Variants in GRB10 observed in about 807,000 individuals in gnomAD.
GRB10 encodes the protein growth factor receptor bound protein 10.
GRB10 carries 20 observed loss-of-function variants against 80.9 expected under a neutral mutation model. The ratio of observed to expected loss-of-function variants is 0.25; its 90% CI spans 0.17 to 0.36. The LOEUF is 0.36. GRB10 is among the 10% of genes least tolerant of loss of function. The probability of loss-of-function intolerance (pLI) is 1.00; values close to 1 mark genes in which losing one functional copy is unlikely to be tolerated. For synonymous variants in GRB10, 291 were observed against 291.5 expected (o/e 1.00, Z 0.02); for missense variants, 548 against 747.7 (o/e 0.73, Z 3.12).
intron 5 of GRB10, among the ~76,000 whole-genome samples, chr7:50,676,885 G>T (rs893508220): frequency 5.9e-5 from 9 of 152,162 alleles, no homozygotes; most frequent in African/African-American, 2.2e-4. Flanking sequence ...ACAGATAGAA[G>T]GGAGGGGTGA....
intron 7 of GRB10, among the ~76,000 whole-genome samples, chr7:50,663,230 C>T (rs1160997669): frequency 1.3e-5 from 2 of 152,098 alleles, no homozygotes; most frequent in African/African-American, 4.8e-5. Flanking sequence ...CAGGCAGCCC[C>T]CTCCCTGGGG....
At chr7:50,642,252 C>A (rs1331312079) in intron 7 of GRB10, among the ~76,000 whole-genome samples, 1 of 151,724 alleles carries the variant, frequency 6.6e-6, no homozygotes, top group Non-Finnish European at 1.5e-5. Flanking sequence ...GAACAGCCAA[C>A]CAAAGAGGAT....
At chr7:50,776,298 T>G (rs768810867) in intron 2 of GRB10, among the ~76,000 whole-genome samples, 13 of 152,156 alleles carry the variant, frequency 8.5e-5, no homozygotes, top group Non-Finnish European at 1.3e-4. Context: ...ACTGTAGCCT[T>G]GACCTCCCAG....
At chr7:50,647,095 T>C (rs1018673950) in intron 7 of GRB10, among the ~76,000 whole-genome samples, 23 of 152,164 alleles carry the variant, frequency 1.5e-4, no homozygotes, top group Admixed American at 5.9e-4. Context: ...AGAGTCCAAT[T>C]CTCTCTTCGG....
chr7:50,616,056 GT>G lies in GRB10; in HGVS notation c.984+153del, dbSNP rs2050578392. 2.0e-5 allele frequency among the ~76,000 whole-genome samples: 3 copies of G among 152,282 alleles called. 1 individual carries two copies. In the South Asian group the frequency reaches 6.2e-4, roughly 32 times the overall value. ...GAGACCAGGAAACCTGTGACTCCAA[GT>G]TCAGCTGCTGCACAATTAGCTTATT... is the stretch of plus-strand genomic sequence containing the variant. On this transcript the variant is annotated intron_variant, in intron 11 of 18. Transcript: ENST00000401949.
chr7:50,638,470 G>A (rs1487145297), intron 7 of GRB10, among the ~76,000 whole-genome samples: 1 of 152,088 alleles, frequency 6.6e-6, no homozygotes, highest in Non-Finnish European at 1.5e-5. Flanking sequence ...CATACAAGCG[G>A]CCAATAAACA....
chr7:50,722,761 C>T (rs2067968612), intron 4 of GRB10, among the ~76,000 whole-genome samples: 1 of 152,102 alleles, frequency 6.6e-6, no homozygotes, highest in Non-Finnish European at 1.5e-5. Context: ...TTATACCTGG[C>T]CTCCAAACAC....
At chr7:50,743,711 G>A (rs2072320400) in intron 3 of GRB10, among the ~76,000 whole-genome samples, 1 of 152,210 alleles carries the variant, frequency 6.6e-6, no homozygotes, top group Non-Finnish European at 1.5e-5. Flanking sequence ...AGGAGAACCA[G>A]GAGAGGCCGA....
intron 8 of GRB10, among the ~76,000 whole-genome samples, chr7:50,621,230 T>C (rs188778620): frequency 1.6e-4 from 24 of 152,294 alleles, no homozygotes; most frequent in Admixed American, 1.2e-3. Flanking sequence ...CACATGGCAG[T>C]GTAAACACAC....
At chr7:50,639,414 G>A (rs7806577) in intron 7 of GRB10, among the ~76,000 whole-genome samples, 4,996 of 152,174 alleles carry the variant, frequency 0.033, 258 homozygotes, top group African/African-American at 0.11. Context: ...AGTGGCTCAC[G>A]CCTGTAATCC....
chr7:50,783,211 C>T (rs1260966914), upstream of GRB10, among the ~76,000 whole-genome samples: 1 of 152,240 alleles, frequency 6.6e-6, no homozygotes, highest in Non-Finnish European at 1.5e-5. Flanking sequence ...CAGTTCTACT[C>T]TTCCAGGATC....
At position 50,605,410 on chromosome 7, in the gene GRB10, AAAAGG is replaced by A; in HGVS notation, c.1273-9_1273-5del. The A allele has an allele frequency of 6.2e-7, 1 of 1,609,358 alleles. No individual in the cohort carries two copies. The highest frequency in any genetic ancestry group is 8.5e-7 in the Non-Finnish European group (1 of 1,175,574). On this transcript the variant is annotated splice_polypyrimidine_tract_variant and splice_region_variant and intron_variant, in intron 14 of 18. Coordinates refer to ENST00000401949, the MANE Select transcript of GRB10 (RefSeq NM_001350814.2). ...GGGAGTTCTCGGAGACACTGCGCTG[AAAAGG>A]AAAGGCCGCAGTTCTTAAAATGCAG...
chr7:50,690,897 G>A (rs2062742024), intron 5 of GRB10, among the ~76,000 whole-genome samples: 1 of 152,190 alleles, frequency 6.6e-6, no homozygotes, highest in African/African-American at 2.4e-5. Context: ...GGAAGGCGAA[G>A]GCCCAGAATA....
At chr7:50,647,306 T>C (rs368982794) in intron 7 of GRB10, among the ~76,000 whole-genome samples, 1 of 152,236 alleles carries the variant, frequency 6.6e-6, no homozygotes, top group East Asian at 1.9e-4. Flanking sequence ...AAAAGTTTCT[T>C]TGGTGGTAAT....
chr7:50,660,168 C>T (rs1246567918), intron 7 of GRB10, among the ~76,000 whole-genome samples: 4 of 152,116 alleles, frequency 2.6e-5, no homozygotes, highest in African/African-American at 9.7e-5. Context: ...AGCTGCGGTG[C>T]CGTGTTCACG....
chr7:50,734,314 C>G (rs1267666299), intron 3 of GRB10, among the ~76,000 whole-genome samples: 1 of 152,196 alleles, frequency 6.6e-6, no homozygotes, highest in Non-Finnish European at 1.5e-5. Flanking sequence ...TCTCTAAACA[C>G]TCTTTCTGCC....
chr7:50,686,223 ATAAAGCCCT>A (rs2062087369), intron 5 of GRB10, among the ~76,000 whole-genome samples: 1 of 152,170 alleles, frequency 6.6e-6, no homozygotes, highest in Non-Finnish European at 1.5e-5. Flanking sequence ...TCGTGCCCTT[ATAAAGCCCT>A]GGAGAGACCC....
chr7:50,629,530 T>G (rs546431347), intron 7 of GRB10, among the ~76,000 whole-genome samples: 1 of 152,192 alleles, frequency 6.6e-6, no homozygotes, highest in South Asian at 2.1e-4. Flanking sequence ...GACACAGCAC[T>G]CTCTGGTACT....
At chr7:50,610,086 C>A (rs552613965) in intron 13 of GRB10, among the ~76,000 whole-genome samples, 23 of 152,286 alleles carry the variant, frequency 1.5e-4, no homozygotes, top group African/African-American at 5.5e-4. Flanking sequence ...AGCCCTCAGA[C>A]CCTCTTATCC....
Sources: allele counts gnomAD v4.1 joint callset (sites outside exome capture counted in the v4.1 genomes callset), GRCh38; gene constraint gnomAD v4.1.1; transcripts MANE v1.5; gene names NCBI Gene and HGNC (gene_info 2026-07-23, HGNC 2026-07-21).